Variants in DUSP22 observed in about 807,000 individuals in gnomAD.
DUSP22 encodes the protein dual specificity phosphatase 22, also known as dual specificity protein phosphatase 22.
In DUSP22, 24 loss-of-function variants were observed where a neutral mutation model predicts 24.5. The observed-to-expected ratio is 0.98, with a 90% CI of 0.71 to 1.38. The LOEUF is 1.38. Among genes scored for constraint, DUSP22 ranks in the 40% most tolerant of loss-of-function variants. The probability of loss-of-function intolerance (pLI) is 0.00; values close to 1 mark genes in which losing one functional copy is unlikely to be tolerated. For missense variants in DUSP22, 330 were observed against 269.2 expected, an observed-to-expected ratio of 1.23 and a Z score of -1.58; for synonymous variants, 160 against 106.4, an observed-to-expected ratio of 1.50 and a Z score of -3.10.
chr6:294,729 G>C (rs1433246524), intron 1 of DUSP22, among the ~76,000 whole-genome samples: 4 of 152,294 alleles, frequency 2.6e-5, no homozygotes, highest in African/African-American at 9.6e-5. Context: ...GTACTCGATA[G>C]TCACTGTGGC....
Position 348,886 on chromosome 6 carries a change from AGGCGGTG to A in DUSP22, c.555_561del (p.Arg186AlafsTer9), listed in dbSNP as rs771381232. ...GCGCACAGAGCCCCAGCCCGGCGCC[AGGCGGTG>A]GAGCAGTTTTCCGGCACTGGCTCCG... On this transcript the variant is annotated frameshift_variant, in exon 7 of 7. Coordinates refer to ENST00000419235, the MANE Select transcript of DUSP22 (RefSeq NM_001286555.3). LOFTEE classifies it high-confidence loss of function. 1 of 1,614,176 alleles carries A rather than the reference AGGCGGTG, an allele frequency of 6.2e-7. No homozygotes were observed. The highest frequency in any genetic ancestry group is 1.7e-5 in the Admixed American group (1 of 60,010).
At chr6:346,015 G>A (rs1759853056) in intron 5 of DUSP22, 87 bp downstream of exon 5, 1 of 1,517,182 alleles carries the variant, frequency 6.6e-7, no homozygotes, top group Non-Finnish European at 9.1e-7. Flanking sequence ...GTGAATAATG[G>A]TTTCACCTCC....
At chr6:346,705 T>A (rs2127422155) in intron 5 of DUSP22, among the ~76,000 whole-genome samples, 1 of 152,418 alleles carries the variant, frequency 6.6e-6, no homozygotes, top group African/African-American at 2.4e-5. Context: ...AGTGTGTTAT[T>A]AATTAACTGG....
intron 3 of DUSP22, among the ~76,000 whole-genome samples, chr6:320,539 A>G (rs1758538658): frequency 6.6e-6 from 1 of 152,306 alleles, no homozygotes; most frequent in African/African-American, 2.4e-5. Flanking sequence ...GTGCATAGAC[A>G]CCACTGCAGC....
intron 5 of DUSP22, among the ~76,000 whole-genome samples, chr6:346,839 A>G (rs1759904077): frequency 6.6e-6 from 1 of 151,870 alleles, no homozygotes; most frequent in African/African-American, 2.4e-5. Context: ...CTGCCAGGAC[A>G]GAGGGGACCC....
intron 2 of DUSP22, 50 bp downstream of exon 2, chr6:304,711 T>G: frequency 6.2e-7 from 1 of 1,610,474 alleles, no homozygotes; most frequent in Non-Finnish European, 8.5e-7. Context: ...TAACATAAAA[T>G]GTGTCATCTT....
Position 349,335 on chromosome 6 carries a change from T to A in DUSP22, c.*384T>A. 1 of 1,078,502 alleles carries A rather than the reference T, an allele frequency of 9.3e-7. No homozygotes were observed. 66.8% of individuals were successfully genotyped at this position (1,078,502 alleles called of 1,614,324 possible). A position where few individuals can be genotyped will look rare whatever the true frequency, so the allele number is the denominator to read the frequency against. On this transcript the variant is annotated 3_prime_UTR_variant, in exon 7 of 7. Transcript: ENST00000419235. ...GTGAAAGTGTCTGTGCACATGAATG[T>A]TTGTGTGTGTGTGAACTCTTTCTTA... is the stretch of plus-strand genomic sequence containing the variant.
At chr6:304,477 A>C in intron 1 of DUSP22, 151 bp from the exon 2 acceptor site, 1 of 1,172,724 alleles carries the variant, frequency 8.5e-7, no homozygotes, top group Non-Finnish European at 1.3e-6. Flanking sequence ...GCCGCTGGGG[A>C]TGTTGGGTCA....
intron 3 of DUSP22, among the ~76,000 whole-genome samples, chr6:312,232 C>T (rs899436357): frequency 6.6e-6 from 1 of 152,310 alleles, no homozygotes. Flanking sequence ...GGCTGCATTT[C>T]CCTCTGGACC....
chr6:305,147 A>G (rs1275179350), intron 2 of DUSP22, among the ~76,000 whole-genome samples: 1 of 152,306 alleles, frequency 6.6e-6, no homozygotes, highest in African/African-American at 2.4e-5. Context: ...TTAAAAGATC[A>G]GCTTTAGACT....
chr6:350,247 T>C lies in DUSP22; in HGVS notation c.*1296T>C. 1 of 988,832 alleles carries C rather than the reference T, an allele frequency of 1.0e-6. No individual in the cohort carries two copies. Among genetic ancestry groups the C allele is most frequent in the South Asian group, 4.6e-5 (1 of 21,512 alleles). The allele number at this position is 988,832 out of a possible 1,614,324, so 61.3% of individuals were successfully genotyped here. A position where few individuals can be genotyped will look rare whatever the true frequency, so the allele number is the denominator to read the frequency against. On this transcript the variant is annotated 3_prime_UTR_variant, in exon 7 of 7. Transcript: ENST00000419235. The stretch of plus-strand genomic sequence containing the variant: ...TTGCCAGTTTGGGCTCCAGTAATGC[T>C]TTCTGGTGGGTAAAATTCCACATTC...
rs752055774 is a variant in DUSP22, at chr6:335,181, G to C, written c.188+18G>C. ...CAAAACCTGTAAGTTTCTTATTTCT[G>C]TATTATTTGGAGACATTTAAAAAAA... On this transcript the variant is annotated intron_variant, in intron 4 of 6. Coordinates refer to ENST00000419235, the MANE Select transcript of DUSP22 (RefSeq NM_001286555.3). The C allele has an allele frequency of 2.0e-5, 33 of 1,612,072 alleles. No individual in the cohort carries two copies. The highest frequency in any genetic ancestry group is 2.6e-5 in the Non-Finnish European group (31 of 1,178,286).
chr6:327,623 G>C (rs1283236904), intron 3 of DUSP22, among the ~76,000 whole-genome samples: 2 of 152,310 alleles, frequency 1.3e-5, no homozygotes, highest in Non-Finnish European at 2.9e-5. Context: ...CTCTGTGCCA[G>C]GGCCATGCGC....
At chr6:344,487 G>A (rs1036500624) in intron 4 of DUSP22, among the ~76,000 whole-genome samples, 11 of 152,296 alleles carry the variant, frequency 7.2e-5, no homozygotes, top group Non-Finnish European at 1.5e-4. Context: ...GATGAGTTTC[G>A]ACATTTTGCC....
intron 3 of DUSP22, among the ~76,000 whole-genome samples, chr6:319,193 CTATT>C (rs1249042277): frequency 6.6e-6 from 1 of 152,284 alleles, no homozygotes; most frequent in Non-Finnish European, 1.5e-5. Context: ...GTCCAAGTAT[CTATT>C]CGAGTGAAGA....
chr6:297,296 G>A (rs546606686), intron 1 of DUSP22, among the ~76,000 whole-genome samples: 2 of 152,412 alleles, frequency 1.3e-5, no homozygotes, highest in East Asian at 3.9e-4. Context: ...ATTGGGAGAA[G>A]CAAATGGGAA....
At chr6:295,994 T>C (rs867591954) in intron 1 of DUSP22, among the ~76,000 whole-genome samples, 1 of 149,834 alleles carries the variant, frequency 6.7e-6, no homozygotes, top group Non-Finnish European at 1.5e-5. Flanking sequence ...TCCACTGATT[T>C]TGAAGATAGG....
intron 3 of DUSP22, among the ~76,000 whole-genome samples, chr6:327,886 A>C (rs1047850235): frequency 2.6e-5 from 4 of 152,252 alleles, no homozygotes; most frequent in Admixed American, 1.3e-4. Context: ...TTGAGGAGCG[A>C]GGGGTGGTAG....
In DUSP22 at chr6:350,497, T is replaced by G; in HGVS notation, c.*1546T>G. 8.1e-7 allele frequency: 1 copy of G among 1,234,928 alleles called. No individual in the cohort carries two copies. Among genetic ancestry groups the G allele is most frequent in the Non-Finnish European group, 1.0e-6 (1 of 983,494 alleles). The allele number at this position is 1,234,928 out of a possible 1,614,324, so 76.5% of individuals were successfully genotyped here. A position where few individuals can be genotyped will look rare whatever the true frequency, so the allele number is the denominator to read the frequency against. On this transcript the variant is annotated 3_prime_UTR_variant, in exon 7 of 7. Coordinates refer to ENST00000419235, the MANE Select transcript of DUSP22 (RefSeq NM_001286555.3). ...CTGAATAAGAAGAGCAGTTTTCCTG[T>G]GCATATAGAGGGTGTGTCAAAGGTG...
Sources: allele counts gnomAD v4.1 joint callset (sites outside exome capture counted in the v4.1 genomes callset), GRCh38; gene constraint gnomAD v4.1.1; transcripts MANE v1.5; gene names NCBI Gene and HGNC (gene_info 2026-07-23, HGNC 2026-07-21).